The following GPR39 variants were observed in gnomAD, a reference collection of about 807,000 sequenced individuals.
GPR39 encodes the protein G protein-coupled receptor 39.
A neutral mutation model predicts 18.4 loss-of-function variants in GPR39; 23 were observed. The observed-to-expected ratio is 1.25, with a 90% CI of 0.90 to 1.77. The LOEUF (loss-of-function observed/expected upper bound fraction) is 1.77. Ranked by LOEUF, GPR39 falls within the 40% of genes most tolerant of loss-of-function variation. The probability of loss-of-function intolerance (pLI) is 0.00; values close to 1 mark genes in which losing one functional copy is unlikely to be tolerated. For missense variants in GPR39, 647 were observed against 602.4 expected (o/e 1.07, Z -0.78); for synonymous variants, 280 against 257.9 (o/e 1.09, Z -0.82).
chr2:132,459,154 T>A (rs1465451729), intron 1 of GPR39, among the ~76,000 whole-genome samples: 1 of 152,186 alleles, frequency 6.6e-6, no homozygotes, highest in Non-Finnish European at 1.5e-5. Flanking sequence ...TTTGGTGTCC[T>A]CTCTATTTAC....
intron 1 of GPR39, among the ~76,000 whole-genome samples, chr2:132,509,415 C>T (rs900833785): frequency 6.7e-6 from 1 of 148,150 alleles, no homozygotes; most frequent in African/African-American, 2.5e-5. Context: ...CAATGCTAAC[C>T]TAATCTCAAA....
At position 132,485,354 on chromosome 2, in the gene GPR39, CAGTT is replaced by C. The variant is rs575325840; in HGVS notation, c.856+67459_856+67462del. The stretch of plus-strand genomic sequence containing the variant: ...GACCAGTCAGGATAGTGGTTGCTGA[CAGTT>C]AGGGTAGTTGTGACAATTTCTTAAA... On this transcript the variant is annotated intron_variant, in intron 1 of 1. Transcript: ENST00000329321. 7.9e-3 allele frequency among the ~76,000 whole-genome samples: 1,209 copies of C among 152,278 alleles called. 8 individuals carry two copies. The highest frequency in any genetic ancestry group is 0.012 in the Non-Finnish European group (844 of 68,024).
In GPR39 at chr2:132,574,818, C is replaced by A. The variant is rs1680502435; in HGVS notation, c.857-70283C>A. 2.0e-5 allele frequency among the ~76,000 whole-genome samples: 3 copies of A among 152,094 alleles called. No individual in the cohort carries two copies. The South Asian group carries it at 6.2e-4, about 32-fold the overall frequency. On this transcript the variant is annotated intron_variant, in intron 1 of 1. Transcript: ENST00000329321. ...GTATTTAAAACTTTTGTAAAAGATA[C>A]AACTTAGTATTTTTCTAATATTATT... is the stretch of plus-strand genomic sequence containing the variant.
At chr2:132,548,084 C>T (rs1273117362) in intron 1 of GPR39, among the ~76,000 whole-genome samples, 1 of 152,128 alleles carries the variant, frequency 6.6e-6, no homozygotes, top group Non-Finnish European at 1.5e-5. Flanking sequence ...TCCTGTTGTT[C>T]TTAAATGAAC....
intron 1 of GPR39, among the ~76,000 whole-genome samples, chr2:132,625,901 A>G (rs1681534513): frequency 6.6e-6 from 1 of 152,136 alleles, no homozygotes; most frequent in Non-Finnish European, 1.5e-5. Context: ...GGAGATCGAG[A>G]CCATCCTGGC....
chr2:132,625,587 G>A (rs1681528039), intron 1 of GPR39, among the ~76,000 whole-genome samples: 1 of 152,118 alleles, frequency 6.6e-6, no homozygotes, highest in African/African-American at 2.4e-5. Context: ...ACAGAAGGGG[G>A]GGAAATGCCA....
chr2:132,417,792 G>T lies in GPR39; in HGVS notation c.750G>T (p.Met250Ile), dbSNP rs749124547. The T allele has an allele frequency of 6.2e-6, 10 of 1,614,154 alleles. No homozygotes were observed. The highest frequency in any genetic ancestry group is 8.5e-6 in the Non-Finnish European group (10 of 1,180,034). ...GCTGGAACATGATGCAGGTGCTCATGAAAAGCCAGAAGGGCTCGCTGGCCG... is the reference window on the plus strand; with the variant it reads ...GCTGGAACATGATGCAGGTGCTCATTAAAAGCCAGAAGGGCTCGCTGGCCG... ...FMCWNMMQVL[M>I]KSQKGSLAGG... is the part of the protein sequence containing the mutation. The change falls in exon 1 of 2, where the codon ATG (methionine) becomes ATT (isoleucine). Residue 250 changes from methionine (M) to isoleucine (I), a missense_variant. Physicochemically the swap from Met to Ile is conservative, Grantham distance 10 (BLOSUM62 1). This residue lies in a region of GPR39 where 581 missense variants were observed against 506.8 expected (regional missense o/e 1.15). Coordinates refer to ENST00000329321, the MANE Select transcript of GPR39 (RefSeq NM_001508.3).
intron 1 of GPR39, among the ~76,000 whole-genome samples, chr2:132,631,902 A>C (rs1681656312): frequency 6.6e-6 from 1 of 150,424 alleles, no homozygotes; most frequent in African/African-American, 2.5e-5. Flanking sequence ...GGCTCACTGC[A>C]ACCTCTGCCT....
intron 1 of GPR39, among the ~76,000 whole-genome samples, chr2:132,620,547 C>T (rs911225104): frequency 2.6e-5 from 4 of 152,150 alleles, no homozygotes; most frequent in South Asian, 2.1e-4. Flanking sequence ...CTCCTTCCCC[C>T]CTGCGTGGCT....
intron 1 of GPR39, among the ~76,000 whole-genome samples, chr2:132,560,023 C>G (rs927210960): frequency 6.6e-6 from 1 of 152,106 alleles, no homozygotes; most frequent in Non-Finnish European, 1.5e-5. Flanking sequence ...CACACTTCAG[C>G]TGTACTGCAT....
At chr2:132,471,829 G>C (rs548963944) in intron 1 of GPR39, among the ~76,000 whole-genome samples, 1 of 152,168 alleles carries the variant, frequency 6.6e-6, no homozygotes, top group African/African-American at 2.4e-5. Context: ...CAATGTTTTC[G>C]GTTAACTTTC....
chr2:132,573,267 C>G (rs1295989905), intron 1 of GPR39, among the ~76,000 whole-genome samples: 1 of 152,210 alleles, frequency 6.6e-6, no homozygotes, highest in Non-Finnish European at 1.5e-5. Flanking sequence ...ATTTTCCCCT[C>G]CTTCCTCTAT....
chr2:132,596,025 C>T (rs1249328934), intron 1 of GPR39, among the ~76,000 whole-genome samples: 1 of 152,142 alleles, frequency 6.6e-6, no homozygotes, highest in Non-Finnish European at 1.5e-5. Flanking sequence ...AAAAGCAGTT[C>T]CTCCCAGATC....
At chr2:132,493,488 C>CATATATATATAT (rs540786857) in intron 1 of GPR39, among the ~76,000 whole-genome samples, 3 of 117,484 alleles carry the variant, frequency 2.6e-5, no homozygotes, top group African/African-American at 6.8e-5. Context: ...ATATATACAC[C>CATATATATATAT]ATATATATAT....
chr2:132,526,554 C>T (rs114425409), intron 1 of GPR39, among the ~76,000 whole-genome samples: 1 of 152,216 alleles, frequency 6.6e-6, no homozygotes, highest in Non-Finnish European at 1.5e-5. Flanking sequence ...CATGAGCTTA[C>T]AGGAAAGGTG....
Position 132,554,257 on chromosome 2 carries a change from C to T in GPR39, c.857-90844C>T, listed in dbSNP as rs150349551. 5.4e-3 allele frequency among the ~76,000 whole-genome samples: 821 copies of T among 152,254 alleles called. 6 individuals are homozygous for T. The highest frequency in any genetic ancestry group is 0.019 in the African/African-American group (786 of 41,552). On this transcript the variant is annotated intron_variant, in intron 1 of 1. Coordinates refer to ENST00000329321, the MANE Select transcript of GPR39 (RefSeq NM_001508.3). The stretch of plus-strand genomic sequence containing the variant: ...TACCTTTTGGATTTTGTACAATGAA[C>T]CTGCATTAACTTTAGGTATGATGTT...
At chr2:132,587,528 TTTTTTC>T (rs2104828649) in intron 1 of GPR39, among the ~76,000 whole-genome samples, 1 of 152,288 alleles carries the variant, frequency 6.6e-6, no homozygotes, top group African/African-American at 2.4e-5. Flanking sequence ...AGGTCTTTTC[TTTTTTC>T]TTTTTCTTTT....
At chr2:132,619,256 A>G (rs533350248) in intron 1 of GPR39, among the ~76,000 whole-genome samples, 14 of 152,354 alleles carry the variant, frequency 9.2e-5, no homozygotes, top group African/African-American at 2.6e-4. Context: ...GCAGAAAGCT[A>G]TGATCACAGC....
intron 1 of GPR39, among the ~76,000 whole-genome samples, chr2:132,567,805 C>T (rs992437549): frequency 2.6e-5 from 4 of 152,106 alleles, no homozygotes; most frequent in Non-Finnish European, 5.9e-5. Context: ...GCCTCACCAT[C>T]GTTTAATTGG....
Sources: allele counts gnomAD v4.1 joint callset (sites outside exome capture counted in the v4.1 genomes callset), GRCh38; gene constraint gnomAD v4.1.1; regional missense constraint gnomAD v4.1.1; transcripts MANE v1.5; gene names NCBI Gene and HGNC (gene_info 2026-07-23, HGNC 2026-07-21).